The following STPG2 variants were observed in gnomAD, a reference collection of about 807,000 sequenced individuals.
The protein encoded by STPG2 is sperm-tail PG-rich repeat-containing protein 2.
Under a neutral mutation model 54.2 loss-of-function variants are expected in STPG2, and 56 were observed. The observed-to-expected ratio is 1.03, with a 90% confidence interval of 0.83 to 1.29. The LOEUF is 1.29. Ranked by LOEUF, STPG2 falls within the 50% of genes most tolerant of loss-of-function variation. The probability of loss-of-function intolerance (pLI) is 0.00; values close to 1 mark genes in which losing one functional copy is unlikely to be tolerated. For synonymous variants in STPG2, 200 were observed against 181.8 expected, an observed-to-expected ratio of 1.10 and a Z score of -0.81; for missense variants, 596 against 544.9, an observed-to-expected ratio of 1.09 and a Z score of -0.93.
chr4:97,595,513 G>T (rs1733265170), intron 10 of STPG2, among the ~76,000 whole-genome samples: 1 of 151,826 alleles, frequency 6.6e-6, no homozygotes, highest in Non-Finnish European at 1.5e-5. Flanking sequence ...ATGAGTTAAT[G>T]GGTACAGCAC....
intron 9 of STPG2, among the ~76,000 whole-genome samples, chr4:97,772,700 T>A (rs1479089878): frequency 6.6e-6 from 1 of 152,190 alleles, no homozygotes; most frequent in Non-Finnish European, 1.5e-5. Context: ...ATCTGGTAAT[T>A]CTTCTCAAAA....
intron 4 of STPG2, among the ~76,000 whole-genome samples, chr4:97,442,505 T>G (rs1200173153): frequency 6.6e-6 from 1 of 152,152 alleles, no homozygotes; most frequent in Non-Finnish European, 1.5e-5. Context: ...TAATTCTGAA[T>G]GCAACTCTGG....
At chr4:97,643,264 C>T (rs1223820455) in intron 10 of STPG2, among the ~76,000 whole-genome samples, 1 of 151,470 alleles carries the variant, frequency 6.6e-6, no homozygotes, top group Non-Finnish European at 1.5e-5. Context: ...AAAATTATCT[C>T]CATTTTCTAA....
At chr4:98,045,838 G>A (rs181303643) in intron 5 of STPG2, among the ~76,000 whole-genome samples, 2 of 152,022 alleles carry the variant, frequency 1.3e-5, no homozygotes, top group East Asian at 3.9e-4. Flanking sequence ...GTGCCTCTTT[G>A]CATTCATTTT....
At chr4:97,948,231 T>C (rs1164744245) in intron 7 of STPG2, among the ~76,000 whole-genome samples, 1 of 152,090 alleles carries the variant, frequency 6.6e-6, no homozygotes, top group Non-Finnish European at 1.5e-5. Context: ...CTATCTCAAA[T>C]GATCTTTTGT....
At chr4:97,633,520 C>T (rs1268243099) in intron 10 of STPG2, 1 of 152,552 alleles carries the variant, frequency 6.6e-6, no homozygotes, top group African/African-American at 2.4e-5. Flanking sequence ...CAGCTCCAGT[C>T]TACAGCTCCC....
At chr4:97,507,403 A>C (rs1730875988) in intron 4 of STPG2, among the ~76,000 whole-genome samples, 1 of 152,084 alleles carries the variant, frequency 6.6e-6, no homozygotes, top group African/African-American at 2.4e-5. Context: ...GACAAAACGA[A>C]AATAATGAAT....
chr4:97,632,579 A>G (rs1032166324), intron 10 of STPG2, among the ~76,000 whole-genome samples: 6 of 152,110 alleles, frequency 3.9e-5, no homozygotes, highest in African/African-American at 1.4e-4. Context: ...CACCAAATGC[A>G]GTTTTCAAAA....
chr4:97,853,894 G>A (rs549157451), intron 8 of STPG2, among the ~76,000 whole-genome samples: 6 of 152,124 alleles, frequency 3.9e-5, no homozygotes, highest in East Asian at 1.9e-4. Flanking sequence ...AGCTCCTCCC[G>A]CCTCAGCCTC....
At chr4:97,817,969 C>T (rs1415949079) in intron 9 of STPG2, among the ~76,000 whole-genome samples, 3 of 151,576 alleles carry the variant, frequency 2.0e-5, no homozygotes, top group South Asian at 2.1e-4. Flanking sequence ...CTTCCTTTTC[C>T]GTAAAAAGTA....
At chr4:97,558,447 T>C (rs931390202), downstream of STPG2, among the ~76,000 whole-genome samples, 1 of 152,156 alleles carries the variant, frequency 6.6e-6, no homozygotes, top group African/African-American at 2.4e-5. Flanking sequence ...TGAGAATACA[T>C]TACAAAAAAG....
intron 9 of STPG2, among the ~76,000 whole-genome samples, chr4:97,748,403 T>G (rs1725483945): frequency 6.6e-6 from 1 of 151,578 alleles, no homozygotes; most frequent in Non-Finnish European, 1.5e-5. Flanking sequence ...GAAAGGTTAG[T>G]GCATTGAAAG....
chr4:97,861,947 G>C (rs1030297265), intron 8 of STPG2, among the ~76,000 whole-genome samples: 3 of 151,834 alleles, frequency 2.0e-5, no homozygotes, highest in African/African-American at 7.3e-5. Context: ...AGGAACAACT[G>C]GTACCAGCCA....
chr4:97,655,341 G>C (rs1237229086), intron 10 of STPG2, among the ~76,000 whole-genome samples: 1 of 151,986 alleles, frequency 6.6e-6, no homozygotes, highest in African/African-American at 2.4e-5. Context: ...GAAATGGTGG[G>C]AAAGGGACTA....
chr4:97,905,148 T>C (rs1731354240), intron 8 of STPG2, among the ~76,000 whole-genome samples: 2 of 150,524 alleles, frequency 1.3e-5, no homozygotes, highest in South Asian at 4.2e-4. Flanking sequence ...CCAAGACACA[T>C]GATTGTCAGA....
intron 1 of STPG2, among the ~76,000 whole-genome samples, chr4:98,136,086 T>C (rs953463166): frequency 7.3e-5 from 11 of 151,594 alleles, no homozygotes; most frequent in Non-Finnish European, 1.3e-4. Context: ...ATTATAAATA[T>C]CCTTTATATA....
intron 9 of STPG2, among the ~76,000 whole-genome samples, chr4:97,726,220 T>C (rs1327407233): frequency 6.6e-6 from 1 of 151,952 alleles, no homozygotes; most frequent in Admixed American, 6.6e-5. Context: ...TGTATGATAT[T>C]GTACTCATAT....
At chr4:97,515,247 T>C (rs1399291222) in intron 4 of STPG2, among the ~76,000 whole-genome samples, 1 of 152,106 alleles carries the variant, frequency 6.6e-6, no homozygotes, top group Non-Finnish European at 1.5e-5. Context: ...TAGTTATGGA[T>C]ATTACAAGTA....
chr4:97,834,727 G>A (rs1192042299), intron 9 of STPG2, among the ~76,000 whole-genome samples: 1 of 152,034 alleles, frequency 6.6e-6, no homozygotes, highest in East Asian at 1.9e-4. Context: ...TTATTCCTGT[G>A]TTCAACCAGT....
Sources: gnomAD v4.1 joint callset for allele counts (sites outside exome capture counted in the v4.1 genomes callset) on GRCh38, gnomAD v4.1.1 for gene constraint, MANE v1.5 for transcripts, NCBI Gene and HGNC (gene_info 2026-07-23, HGNC 2026-07-21) for gene names.